Variants in P2RX7 observed in about 807,000 individuals in gnomAD.
The protein encoded by P2RX7 is purinergic receptor P2X 7.
In P2RX7, 62 loss-of-function variants were observed where a neutral mutation model predicts 71.6. The observed-to-expected ratio is 0.87, with a 90% confidence interval of 0.71 to 1.07. The LOEUF (loss-of-function observed/expected upper bound fraction) is 1.07, where lower values mean the gene tolerates loss of function less well. Ranked by LOEUF, P2RX7 falls within the 50% of genes least tolerant of loss-of-function variation. The pLI is 0.00. For missense variants in P2RX7, 686 were observed against 748.5 expected (o/e 0.92, Z 0.97); for synonymous variants, 299 against 283.3 (o/e 1.06, Z -0.56).
intron 3 of P2RX7, among the ~76,000 whole-genome samples, chr12:121,156,639 C>T (rs777869976): frequency 8.5e-5 from 13 of 152,196 alleles, no homozygotes; most frequent in Non-Finnish European, 1.5e-4. Context: ...GCTTCTCCTA[C>T]CATGGTTCAC....
intron 1 of P2RX7, among the ~76,000 whole-genome samples, chr12:121,134,491 A>G (rs1289662622): frequency 6.6e-6 from 1 of 152,148 alleles, no homozygotes; most frequent in Non-Finnish European, 1.5e-5. Context: ...TCCCCGGTTC[A>G]AGCGATTCTC....
At chr12:121,136,887 A>C (rs1397830481) in intron 1 of P2RX7, among the ~76,000 whole-genome samples, 3 of 145,082 alleles carry the variant, frequency 2.1e-5, no homozygotes, top group Admixed American at 2.1e-4. Flanking sequence ...GAGCTCAAGC[A>C]ATCCACCCGC....
In P2RX7 at chr12:121,180,444, CAAG is replaced by C; in HGVS notation, c.1283_1285del (p.Glu428del). The C allele has an allele frequency of 1.3e-6, 2 of 1,556,690 alleles. No homozygotes were observed. The highest frequency in any genetic ancestry group is 1.2e-5 in the South Asian group (1 of 84,602). On this transcript the variant is annotated inframe_deletion, in exon 12 of 13. Transcript: ENST00000328963. ...GAGAAGTCTGCAAGATGTCAAGGGC[CAAG>C]AAGTCCCAGTAAGTTAAATCATTTT...
rs761016389 is a variant in P2RX7, at chr12:121,167,479, AT to A, written c.745-8del. ...CAGCCATAGAGACTGTCCCTTGTTG[AT>A]CCTTCAGGGCGGAATAATGGGCATT... On this transcript the variant is annotated splice_region_variant and splice_polypyrimidine_tract_variant and intron_variant, in intron 7 of 12. Coordinates refer to ENST00000328963, the MANE Select transcript of P2RX7 (RefSeq NM_002562.6). The A allele has an allele frequency of 1.4e-5, 23 of 1,613,692 alleles. No individual in the cohort carries two copies. The highest frequency in any genetic ancestry group is 1.9e-5 in the Non-Finnish European group (23 of 1,179,846).
intron 3 of P2RX7, 23 bp from the exon 4 acceptor site, chr12:121,160,879 C>T: frequency 3.1e-6 from 5 of 1,589,720 alleles, no homozygotes; most frequent in Admixed American, 1.7e-5. Flanking sequence ...TTACTCCCCA[C>T]TCTGTCATCC....
At position 121,154,760 on chromosome 12, in the gene P2RX7, A is replaced by T; in HGVS notation, c.126-25A>T. Reference sequence around the variant, plus strand: ...ACCCGCTGTGCTATGCCTCCCGTTGATGCTTTCCCATGTCTGCCATTTAGC... The same window carrying T: ...ACCCGCTGTGCTATGCCTCCCGTTGTTGCTTTCCCATGTCTGCCATTTAGC... On this transcript the variant is annotated intron_variant, in intron 1 of 12. Coordinates refer to ENST00000328963, the MANE Select transcript of P2RX7 (RefSeq NM_002562.6). This position sits in a 1 kb window ranked among gnomAD's most constrained non-coding sequence, Gnocchi z 4.2. 1 of 1,529,882 alleles carries T rather than the reference A, an allele frequency of 6.5e-7. No homozygotes were observed. Among genetic ancestry groups the T allele is most frequent in the Non-Finnish European group, 9.1e-7 (1 of 1,103,192 alleles). 94.8% of individuals were successfully genotyped at this position (1,529,882 alleles called of 1,614,324 possible). A position where few individuals can be genotyped will look rare whatever the true frequency, so the allele number is the denominator to read the frequency against.
intron 11 of P2RX7, 113 bp downstream of exon 11, chr12:121,177,559 C>A: frequency 9.5e-7 from 1 of 1,050,568 alleles, no homozygotes; most frequent in Non-Finnish European, 1.4e-6. Context: ...GTGGATACGT[C>A]GCTGGGTTCT....
Position 121,186,631 on chromosome 12 carries a change from A to T in P2RX7, c.*1829A>T, listed in dbSNP as rs1339735642. The T allele has an allele frequency of 1.3e-5, 2 of 152,500 alleles. No homozygotes were observed. Among genetic ancestry groups the T allele is most frequent in the Middle Eastern group, 3.4e-3 (1 of 298 alleles). 9.4% of individuals were successfully genotyped at this position (152,500 alleles called of 1,614,324 possible). On this transcript the variant is annotated 3_prime_UTR_variant, in exon 13 of 13. Coordinates refer to ENST00000328963, the MANE Select transcript of P2RX7 (RefSeq NM_002562.6). Reference sequence around the variant, plus strand: ...ACGCCTGTAATCCCAGCACTTTGGGAGGCTGAGGCGGGTGGATCACCTGAG... The same window carrying T: ...ACGCCTGTAATCCCAGCACTTTGGGTGGCTGAGGCGGGTGGATCACCTGAG...
intron 2 of P2RX7, among the ~76,000 whole-genome samples, chr12:121,155,878 G>A (rs920331784): frequency 1.3e-5 from 2 of 152,072 alleles, no homozygotes; most frequent in African/African-American, 4.8e-5. Context: ...CCATTCAAAC[G>A]CTCCTTCACT....
At chr12:121,162,199 A>T in intron 4 of P2RX7, 1 of 1,314,446 alleles carries the variant, frequency 7.6e-7, no homozygotes, top group Non-Finnish European at 9.8e-7. Context: ...CAGAATCCAC[A>T]GTCTTTCTGT....
chr12:121,184,760 G>C lies in P2RX7; in HGVS notation c.1746G>C (p.Pro582=), dbSNP rs1621388. The C allele has an allele frequency of 8.4e-6, 13 of 1,552,676 alleles. No individual in the cohort carries two copies. Among genetic ancestry groups the C allele is most frequent in the Non-Finnish European group, 5.2e-6 (6 of 1,147,810 alleles). The stretch of plus-strand genomic sequence containing the variant: ...GCTGGAGGATCCGGAAAGAGTTTCC[G>C]AAGAGTGAAGGGCAGTACAGTGGCT... The part of the protein sequence containing the change: ...CCRWRIRKEF[P]KSEGQYSGFK... Residue 582 remains proline (P), a synonymous_variant, in exon 13 of 13, where the codon CCG becomes CCC. Coordinates refer to ENST00000328963, the MANE Select transcript of P2RX7 (RefSeq NM_002562.6).
Position 121,177,036 on chromosome 12 carries a change from C to T in P2RX7, c.973-111C>T, listed in dbSNP as rs1326251328. ...TCAGCCAGCACTTGAACGCATCTAT[C>T]CAAGTCACAGCATGAGGCTCCGCTC... On this transcript the variant is annotated intron_variant, in intron 9 of 12. Coordinates refer to ENST00000328963, the MANE Select transcript of P2RX7 (RefSeq NM_002562.6). 1.9e-5 allele frequency: 17 copies of T among 880,984 alleles called. No individual in the cohort carries two copies. In the Admixed American group the frequency reaches 3.4e-4, roughly 18 times the overall value. The allele number at this position is 880,984 out of a possible 1,614,324, so 54.6% of individuals were successfully genotyped here. A position where few individuals can be genotyped will look rare whatever the true frequency, so the allele number is the denominator to read the frequency against.
chr12:121,172,673 C>T (rs1322571596), intron 8 of P2RX7, among the ~76,000 whole-genome samples: 2 of 152,066 alleles, frequency 1.3e-5, no homozygotes, highest in African/African-American at 4.8e-5. Context: ...ATAAATCACT[C>T]AATACATCAG....
intron 9 of P2RX7, among the ~76,000 whole-genome samples, chr12:121,176,893 TC>T (rs1303619340): frequency 6.6e-6 from 1 of 152,076 alleles, no homozygotes; most frequent in Non-Finnish European, 1.5e-5. Context: ...TCAGTGGGTC[TC>T]CCCTTAATGT....
Position 121,149,398 on chromosome 12 carries a change from G to A in P2RX7, c.126-5387G>A, listed in dbSNP as rs1227468538. Among the ~76,000 whole-genome samples the A allele has an allele frequency of 6.6e-6, 1 of 152,106 alleles. No individual in the cohort carries two copies. Among genetic ancestry groups the A allele is most frequent in the Non-Finnish European group, 1.5e-5 (1 of 68,010 alleles). The stretch of plus-strand genomic sequence containing the variant: ...ATTTATAAAGGAAAGAGGTTTAATG[G>A]GCCCACAGTTCCACATGGCTGGGAA... On this transcript the variant is annotated intron_variant, in intron 1 of 12. Transcript: ENST00000328963. This position sits in a 1 kb window ranked among gnomAD's most constrained non-coding sequence, Gnocchi z 4.7.
chr12:121,184,858 G>C lies in P2RX7; in HGVS notation c.*56G>C, dbSNP rs1884719829. The stretch of plus-strand genomic sequence containing the variant: ...CCAGCGCTTTGGGAGGCCGAGGCAG[G>C]CAGATCACCTGAGGTCGGGAGTTGG... On this transcript the variant is annotated 3_prime_UTR_variant, in exon 13 of 13. Coordinates refer to ENST00000328963, the MANE Select transcript of P2RX7 (RefSeq NM_002562.6). 9 of 1,378,294 alleles carry C rather than the reference G, an allele frequency of 6.5e-6. No homozygotes were observed. The highest frequency in any genetic ancestry group is 8.8e-6 in the Non-Finnish European group (9 of 1,018,568). The allele number at this position is 1,378,294 out of a possible 1,614,324, so 85.4% of individuals were successfully genotyped here.
chr12:121,177,971 G>T (rs1258636164), intron 11 of P2RX7, among the ~76,000 whole-genome samples: 2 of 151,958 alleles, frequency 1.3e-5, no homozygotes, highest in African/African-American at 4.8e-5. Context: ...CACCCACTCG[G>T]CCTCCCACAG....
chr12:121,151,360 C>T (rs773753739), intron 1 of P2RX7, among the ~76,000 whole-genome samples: 5 of 151,904 alleles, frequency 3.3e-5, no homozygotes, highest in South Asian at 2.1e-4. Context: ...CCTCAGCCTC[C>T]GGAGTAGCTG....
At chr12:121,176,416 A>G (rs1432984143) in intron 9 of P2RX7, among the ~76,000 whole-genome samples, 1 of 152,228 alleles carries the variant, frequency 6.6e-6, no homozygotes. Flanking sequence ...ACTAGAAGCA[A>G]TAAGATATAG....
Sources: allele counts gnomAD v4.1 joint callset (sites outside exome capture counted in the v4.1 genomes callset), GRCh38; gene constraint gnomAD v4.1.1; non-coding constraint Gnocchi (gnomAD v3.1); transcripts MANE v1.5; gene names NCBI Gene and HGNC (gene_info 2026-07-23, HGNC 2026-07-21).